CTNNA2: variants seen among roughly 807,000 people sequenced by gnomAD.
The protein encoded by CTNNA2 is catenin alpha 2.
Under a neutral mutation model 101.0 loss-of-function variants are expected in CTNNA2, and 42 were observed. The ratio of observed to expected loss-of-function variants is 0.42; its 90% CI spans 0.32 to 0.54. CTNNA2 has a LOEUF of 0.54. Ranked by LOEUF, CTNNA2 falls within the 20% of genes least tolerant of loss-of-function variation. The probability of loss-of-function intolerance (pLI) is 0.14; values close to 1 mark genes in which losing one functional copy is unlikely to be tolerated. For synonymous variants in CTNNA2, 450 were observed against 456.4 expected, an observed-to-expected ratio of 0.99 and a Z score of 0.18; for missense variants, 871 against 1,223.1, an observed-to-expected ratio of 0.71 and a Z score of 4.29.
intron 2 of CTNNA2, among the ~76,000 whole-genome samples, chr2:79,267,879 G>A (rs980681984): frequency 1.3e-5 from 2 of 152,108 alleles, no homozygotes; most frequent in Non-Finnish European, 2.9e-5. Flanking sequence ...ACACAAAGAT[G>A]CCCTATAGTA....
At chr2:80,290,190 A>G (rs1317494653) in intron 7 of CTNNA2, among the ~76,000 whole-genome samples, 1 of 152,224 alleles carries the variant, frequency 6.6e-6, no homozygotes, top group Non-Finnish European at 1.5e-5. Flanking sequence ...CTAAGCCAGC[A>G]AATGGCAGAA....
At chr2:79,471,248 A>T (rs1670995256) in intron 4 of CTNNA2, among the ~76,000 whole-genome samples, 1 of 152,174 alleles carries the variant, frequency 6.6e-6, no homozygotes, top group African/African-American at 2.4e-5. Flanking sequence ...AATTGCTGCC[A>T]TTATATGTGT....
chr2:79,482,431 C>G (rs768852531), intron 4 of CTNNA2, among the ~76,000 whole-genome samples: 14 of 152,166 alleles, frequency 9.2e-5, no homozygotes, highest in African/African-American at 2.7e-4. Flanking sequence ...GATTTGGAAA[C>G]GTGGGCTAGT....
chr2:79,910,298 T>G (rs906054894), intron 7 of CTNNA2, among the ~76,000 whole-genome samples: 3 of 152,290 alleles, frequency 2.0e-5, no homozygotes, highest in African/African-American at 7.2e-5. Context: ...TGGAGGTGTT[T>G]TATTGATTCA....
intron 2 of CTNNA2, among the ~76,000 whole-genome samples, chr2:79,240,540 A>G (rs1176332170): frequency 2.6e-5 from 4 of 152,176 alleles, no homozygotes; most frequent in African/African-American, 9.7e-5. Flanking sequence ...GCTGTAAAGG[A>G]CATGATCTCT....
chr2:80,225,745 A>G (rs1427093490), intron 7 of CTNNA2, among the ~76,000 whole-genome samples: 2 of 152,196 alleles, frequency 1.3e-5, no homozygotes, highest in African/African-American at 4.8e-5. Flanking sequence ...TTATTAAAAT[A>G]GTTGCTTTGT....
At chr2:80,610,297 A>G (rs1268371703) in intron 17 of CTNNA2, among the ~76,000 whole-genome samples, 2 of 151,606 alleles carry the variant, frequency 1.3e-5, no homozygotes, top group African/African-American at 4.8e-5. Context: ...AAAAAAATGA[A>G]TATGCTTACT....
intron 4 of CTNNA2, among the ~76,000 whole-genome samples, chr2:79,470,911 ATCT>A (rs1266111122): frequency 6.6e-6 from 1 of 152,184 alleles, no homozygotes; most frequent in East Asian, 1.9e-4. Flanking sequence ...TAAAAGGTTA[ATCT>A]TCTTAATGTC....
intron 3 of CTNNA2, among the ~76,000 whole-genome samples, chr2:79,329,585 A>T (rs2104417092): frequency 6.6e-6 from 1 of 152,198 alleles, no homozygotes; most frequent in South Asian, 2.1e-4. Context: ...TTCTGACAGG[A>T]TGCCCAGTAT....
intron 7 of CTNNA2, among the ~76,000 whole-genome samples, chr2:79,956,842 GGTTT>G (rs1689254939): frequency 1.6e-5 from 1 of 64,378 alleles, no homozygotes; most frequent in Admixed American, 2.1e-4. Context: ...AATACGTGTG[GGTTT>G]TTTTTTTTTT....
chr2:79,612,465 A>C (rs886862082), intron 1 of CTNNA2, among the ~76,000 whole-genome samples: 34 of 152,090 alleles, frequency 2.2e-4, no homozygotes. Context: ...GCTTTATAGA[A>C]TCCTCCCTCA....
At chr2:79,747,476 C>T (rs1007538726) in intron 3 of CTNNA2, among the ~76,000 whole-genome samples, 2 of 152,114 alleles carry the variant, frequency 1.3e-5, no homozygotes, top group African/African-American at 2.4e-5. Flanking sequence ...CAAAGGTATT[C>T]ATAGTAGAGA....
chr2:79,938,663 A>T (rs574196832), intron 7 of CTNNA2, among the ~76,000 whole-genome samples: 8 of 152,334 alleles, frequency 5.3e-5, no homozygotes, highest in Admixed American at 4.6e-4. Flanking sequence ...TTCAAATGAG[A>T]TGGAGGTGGC....
At chr2:79,866,773 C>T (rs1338475159) in intron 4 of CTNNA2, among the ~76,000 whole-genome samples, 1 of 152,132 alleles carries the variant, frequency 6.6e-6, no homozygotes, top group Non-Finnish European at 1.5e-5. Flanking sequence ...ATACATTTTG[C>T]TAAGCAAATG....
At chr2:80,307,185 T>G (rs1025534918) in intron 7 of CTNNA2, among the ~76,000 whole-genome samples, 2 of 151,860 alleles carry the variant, frequency 1.3e-5, no homozygotes, top group African/African-American at 4.8e-5. Flanking sequence ...TTCTACAGTT[T>G]TAAACCCCTT....
rs10655675 is a variant in CTNNA2, at chr2:80,089,527, C to CT, written c.1056+179740dup. The stretch of plus-strand genomic sequence containing the variant: ...TTCCAACCAATTACGCTCATAGATA[C>CT]TTTTTTTTTTATTTTAACGGTTTCA... On this transcript the variant is annotated intron_variant, in intron 7 of 18. Transcript: ENST00000402739. Among the ~76,000 whole-genome samples, 1,453 of 148,942 alleles carry CT rather than the reference C, an allele frequency of 9.8e-3. 21 individuals are homozygous for CT. Among genetic ancestry groups the CT allele is most frequent in the African/African-American group, 0.032 (1,294 of 40,722 alleles).
chr2:80,064,401 C>A (rs1011849634), intron 7 of CTNNA2, among the ~76,000 whole-genome samples: 1 of 152,170 alleles, frequency 6.6e-6, no homozygotes, highest in African/African-American at 2.4e-5. Context: ...CACTACAGGA[C>A]CATCTTTTAG....
chr2:80,306,423 T>C (rs559490441), intron 7 of CTNNA2, among the ~76,000 whole-genome samples: 18 of 147,568 alleles, frequency 1.2e-4, no homozygotes, highest in African/African-American at 4.6e-4. Context: ...TTTCTTTCTT[T>C]CTTTCTTTCT....
intron 2 of CTNNA2, among the ~76,000 whole-genome samples, chr2:79,666,715 G>A (rs549396134): frequency 1.3e-4 from 20 of 152,306 alleles, no homozygotes; most frequent in Non-Finnish European, 2.6e-4. Flanking sequence ...GAATGTATAT[G>A]CTAAGATCTG....
Sources: gnomAD v4.1 joint callset for allele counts (sites outside exome capture counted in the v4.1 genomes callset) on GRCh38, gnomAD v4.1.1 for gene constraint, MANE v1.5 for transcripts, NCBI Gene and HGNC (gene_info 2026-07-23, HGNC 2026-07-21) for gene names.